RIMBP2: variants seen among roughly 807,000 people sequenced by gnomAD.
RIMBP2 encodes RIMS binding protein 2.
In RIMBP2, 48 loss-of-function variants were observed where a neutral mutation model predicts 118.6. The observed-to-expected ratio is 0.40, with a 90% CI of 0.32 to 0.51. The LOEUF (loss-of-function observed/expected upper bound fraction) is 0.51, where lower values mean the gene tolerates loss of function less well. RIMBP2 is among the 20% of genes least tolerant of loss of function. The pLI is 0.41. For synonymous variants in RIMBP2, 762 were observed against 742.9 expected (o/e 1.03, Z -0.42); for missense variants, 1,551 against 1,768.3 (o/e 0.88, Z 2.20).
At chr12:130,437,884 C>A (rs1243196141) in intron 12 of RIMBP2, among the ~76,000 whole-genome samples, 2 of 152,180 alleles carry the variant, frequency 1.3e-5, no homozygotes, top group African/African-American at 4.8e-5. Context: ...GATGCTTCTA[C>A]TTCACCCCAG....
At chr12:130,666,961 GA>G (rs2063946415) in intron 1 of RIMBP2, among the ~76,000 whole-genome samples, 1 of 130,914 alleles carries the variant, frequency 7.6e-6, no homozygotes, top group Non-Finnish European at 1.6e-5. Flanking sequence ...AAAGGAGGGA[GA>G]GAGGGAAGGA....
At chr12:130,569,710 T>G (rs565358969) in intron 2 of RIMBP2, among the ~76,000 whole-genome samples, 1 of 152,184 alleles carries the variant, frequency 6.6e-6, no homozygotes, top group Non-Finnish European at 1.5e-5. Flanking sequence ...GCACTCACTG[T>G]GCAAGACGCC....
chr12:130,450,385 G>A lies in RIMBP2; in HGVS notation c.505-109C>T, dbSNP rs867529255. 9.9e-5 allele frequency: 77 copies of A among 777,088 alleles called. No homozygotes were observed. The Middle Eastern group carries it at 5.7e-3, about 58-fold the overall frequency. 48.1% of individuals were successfully genotyped at this position (777,088 alleles called of 1,614,324 possible). A position where few individuals can be genotyped will look rare whatever the true frequency, so the allele number is the denominator to read the frequency against. ...CAGCTTCCTGGGCCCCAGGAGGGAC[G>A]GCCTGAGACTGTGGCACTCCCAGGA... is the stretch of plus-strand genomic sequence containing the variant. On this transcript the variant is annotated intron_variant, in intron 8 of 22. Transcript: ENST00000690449. The surrounding 1 kb of genome is among the most constrained non-coding windows in gnomAD (Gnocchi z 4.8).
chr12:130,546,904 C>T (rs897339991), intron 2 of RIMBP2, among the ~76,000 whole-genome samples: 1 of 152,196 alleles, frequency 6.6e-6, no homozygotes, highest in Non-Finnish European at 1.5e-5. Context: ...TGTAGTTTCA[C>T]TTGATGGAAT....
chr12:130,701,140 G>A lies in RIMBP2; in HGVS notation c.-352+15082C>T, dbSNP rs1174155062. Among the ~76,000 whole-genome samples the A allele has an allele frequency of 3.3e-5, 5 of 152,324 alleles. No homozygotes were observed. The East Asian group carries it at 9.6e-4, about 29-fold the overall frequency. On this transcript the variant is annotated intron_variant, in intron 1 of 22. Transcript: ENST00000690449. ...GGGCAGGATGTCATTGCAGTTGGAG[G>A]CCACTGGGTTCAGCTGTAGACAGGG...
In RIMBP2 at chr12:130,409,857, T is replaced by C. The variant is rs538695195; in HGVS notation, c.3590-2028A>G. Among the ~76,000 whole-genome samples the C allele has an allele frequency of 5.8e-4, 89 of 152,352 alleles. 1 individual carries two copies. Among genetic ancestry groups the C allele is most frequent in the South Asian group, 2.1e-3 (10 of 4,832 alleles). The stretch of plus-strand genomic sequence containing the variant: ...TCAAACCACTATTAACAAACATTCA[T>C]GTACAGTTTTTTTGTGTGTGAACGT... On this transcript the variant is annotated intron_variant, in intron 19 of 22. Coordinates refer to ENST00000690449, the MANE Select transcript of RIMBP2 (RefSeq NM_001393629.1).
rs577549379 is a variant in RIMBP2, at chr12:130,621,104, C to A, written c.-217+7218G>T. ...AGTGAGGGTGGGTTCATTTTTTTACCAGCACCCTGGGAGCTGGTCATTCCT... is the reference window on the plus strand; with the variant it reads ...AGTGAGGGTGGGTTCATTTTTTTACAAGCACCCTGGGAGCTGGTCATTCCT... On this transcript the variant is annotated intron_variant, in intron 2 of 22. Transcript: ENST00000690449. The surrounding 1 kb of genome is among the most constrained non-coding windows in gnomAD (Gnocchi z 6.6). 8.5e-4 allele frequency among the ~76,000 whole-genome samples: 129 copies of A among 152,036 alleles called. 1 individual carries two copies. Among genetic ancestry groups the A allele is most frequent in the Non-Finnish European group, 1.4e-3 (93 of 67,998 alleles).
intron 1 of RIMBP2, among the ~76,000 whole-genome samples, chr12:130,653,092 T>C (rs2063294158): frequency 1.3e-5 from 2 of 152,114 alleles, no homozygotes; most frequent in South Asian, 2.1e-4. Flanking sequence ...TATTGCAAAA[T>C]ACAATCATGC....
intron 2 of RIMBP2, among the ~76,000 whole-genome samples, chr12:130,535,755 A>G (rs867790325): frequency 0.085 from 3,742 of 43,820 alleles, 80 homozygotes; most frequent in Non-Finnish European, 0.15. Context: ...ATATATATAT[A>G]TATATATATA....
intron 1 of RIMBP2, among the ~76,000 whole-genome samples, chr12:130,716,018 C>T (rs1301230862): frequency 6.6e-6 from 1 of 152,118 alleles, no homozygotes; most frequent in African/African-American, 2.4e-5. Flanking sequence ...ACCGACATGC[C>T]AGCAGGGCGA....
rs912143294 is a variant in RIMBP2 at position 130,436,788 on chromosome 12, G to A, written c.2106+54C>T. ...TGGGCTGGGGAGATTACAGGGCCCC[G>A]TCCCGTGGGGTTTGGGGACTGAGGA... On this transcript the variant is annotated intron_variant, in intron 13 of 22. Transcript: ENST00000690449. 4.2e-5 allele frequency: 55 copies of A among 1,317,692 alleles called. 1 individual carries two copies. In the South Asian group the frequency reaches 9.6e-4, roughly 23 times the overall value. 81.6% of individuals were successfully genotyped at this position (1,317,692 alleles called of 1,614,324 possible).
At chr12:130,682,690 T>C (rs2064852606) in intron 1 of RIMBP2, among the ~76,000 whole-genome samples, 1 of 152,240 alleles carries the variant, frequency 6.6e-6, no homozygotes. Context: ...TGTGTCACTT[T>C]GTGACACTGA....
At chr12:130,591,583 G>A (rs2059270387) in intron 2 of RIMBP2, among the ~76,000 whole-genome samples, 1 of 152,140 alleles carries the variant, frequency 6.6e-6, no homozygotes, top group South Asian at 2.1e-4. Context: ...CCGGGGAGGG[G>A]CGGGGGGGCT....
chr12:130,627,212 C>T (rs2061697116), intron 2 of RIMBP2, among the ~76,000 whole-genome samples: 1 of 152,238 alleles, frequency 6.6e-6, no homozygotes, highest in Admixed American at 6.5e-5. Flanking sequence ...GACTCAGACT[C>T]ATTTGCCAAG....
intron 5 of RIMBP2, 98 bp downstream of exon 5, chr12:130,478,814 G>T: frequency 2.5e-6 from 2 of 794,984 alleles, no homozygotes; most frequent in Non-Finnish European, 4.2e-6. Flanking sequence ...CGGCCTGGGA[G>T]CCAAGGCCGC....
In RIMBP2 at chr12:130,646,064, TGCCTCTCCACCTCCCTCA is replaced by T. The variant is rs2062874492; in HGVS notation, c.-351-17626_-351-17609del. 4.9e-5 allele frequency among the ~76,000 whole-genome samples: 6 copies of T among 121,818 alleles called. No individual in the cohort carries two copies. The Admixed American group carries it at 5.2e-4, about 10-fold the overall frequency. The allele number at this position is 121,818 out of a possible 152,430, so 79.9% of individuals were successfully genotyped here. On this transcript the variant is annotated intron_variant, in intron 1 of 22. Coordinates refer to ENST00000690449, the MANE Select transcript of RIMBP2 (RefSeq NM_001393629.1). ...TTCCCTCTCCACCTCCCTCACCACCTGCCTCTCCACCTCCCTCACCACTTCCCTCTCCACCTCCCTCTC... is the reference window on the plus strand; with the variant it reads ...TTCCCTCTCCACCTCCCTCACCACCTCCACTTCCCTCTCCACCTCCCTCTC...
At chr12:130,430,337 C>G (rs2077072569) in intron 14 of RIMBP2, 1 of 152,224 alleles carries the variant, frequency 6.6e-6, no homozygotes, top group Non-Finnish European at 1.5e-5. Context: ...AGGTGCTGAG[C>G]CCCGCATCCA....
intron 2 of RIMBP2, among the ~76,000 whole-genome samples, chr12:130,529,697 G>A (rs12300708): frequency 1.3e-5 from 2 of 152,100 alleles, no homozygotes; most frequent in African/African-American, 2.4e-5. Context: ...TAAGGCATCA[G>A]TCCCCAACAT....
intron 2 of RIMBP2, among the ~76,000 whole-genome samples, chr12:130,550,860 A>G (rs2055701713): frequency 6.6e-6 from 1 of 152,238 alleles, no homozygotes; most frequent in Non-Finnish European, 1.5e-5. Context: ...GAAAGTTTTA[A>G]AATGACATTT....
Sources: gnomAD v4.1 joint callset for allele counts (sites outside exome capture counted in the v4.1 genomes callset) on GRCh38, gnomAD v4.1.1 for gene constraint, Gnocchi (gnomAD v3.1) non-coding constraint, MANE v1.5 for transcripts, NCBI Gene and HGNC (gene_info 2026-07-23, HGNC 2026-07-21) for gene names.